The following PCDHA6 variants were observed in gnomAD, a reference collection of about 807,000 sequenced individuals.
PCDHA6 encodes protocadherin alpha 6.
In PCDHA6, 55 loss-of-function variants were observed where a neutral mutation model predicts 60.3. The ratio of observed to expected loss-of-function variants is 0.91; its 90% confidence interval spans 0.73 to 1.14. The LOEUF (loss-of-function observed/expected upper bound fraction) is 1.14. Ranked by LOEUF, PCDHA6 falls within the 50% of genes most tolerant of loss-of-function variation. The pLI is 0.00. For missense variants in PCDHA6, 1,327 were observed against 1,256.5 expected, an observed-to-expected ratio of 1.06 and a Z score of -0.85; for synonymous variants, 652 against 557.9, an observed-to-expected ratio of 1.17 and a Z score of -2.38.
intron 1 of PCDHA6, chr5:140,862,465 G>A (rs1462351326): frequency 8.1e-6 from 3 of 371,280 alleles, no homozygotes; most frequent in Non-Finnish European, 1.6e-5. Flanking sequence ...GACCAAGAGA[G>A]CAAATCTATC....
At chr5:140,928,204 G>A (rs1554205615) in intron 1 of PCDHA6, 4 of 1,614,236 alleles carry the variant, frequency 2.5e-6, no homozygotes, top group Middle Eastern at 1.6e-4. Flanking sequence ...AGTTGCTGAT[G>A]TGAATGACAA....
chr5:140,957,159 C>G (rs2095337596), intron 1 of PCDHA6, among the ~76,000 whole-genome samples: 1 of 151,974 alleles, frequency 6.6e-6, no homozygotes, highest in Non-Finnish European at 1.5e-5. Flanking sequence ...GGAGACAAAT[C>G]TAAGTATATA....
intron 1 of PCDHA6, among the ~76,000 whole-genome samples, chr5:140,907,888 C>G (rs1441879791): frequency 6.6e-6 from 1 of 152,234 alleles, no homozygotes; most frequent in Non-Finnish European, 1.5e-5. Flanking sequence ...ACATGGGATA[C>G]AAATATCTTC....
intron 3 of PCDHA6, among the ~76,000 whole-genome samples, chr5:140,988,079 G>A (rs1431334458): frequency 6.6e-6 from 1 of 152,188 alleles, no homozygotes; most frequent in Non-Finnish European, 1.5e-5. Flanking sequence ...TATTTCATGA[G>A]TGAGTGCAGC....
At position 140,928,712 on chromosome 5, in the gene PCDHA6, G is replaced by A; in HGVS notation, c.2395-50237G>A. 3.1e-6 allele frequency: 5 copies of A among 1,614,168 alleles called. No homozygotes were observed. The highest frequency in any genetic ancestry group is 4.2e-6 in the Non-Finnish European group (5 of 1,180,042). Reference sequence around the variant, plus strand: ...CACATCTCCCGGGCGTCTGACTCTAGTCTCTTTAGAATTTCAGCCAATATA... The same window carrying A: ...CACATCTCCCGGGCGTCTGACTCTAATCTCTTTAGAATTTCAGCCAATATA... On this transcript the variant is annotated intron_variant, in intron 1 of 3. Coordinates refer to ENST00000529310, the MANE Select transcript of PCDHA6 (RefSeq NM_018909.4).
chr5:140,889,928 G>A (rs554679699), intron 1 of PCDHA6, among the ~76,000 whole-genome samples: 98 of 152,304 alleles, frequency 6.4e-4, no homozygotes, highest in South Asian at 1.5e-3. Context: ...AGAAGCTCAA[G>A]CTGGACTTGT....
chr5:140,988,051 T>C (rs903060920), intron 3 of PCDHA6, among the ~76,000 whole-genome samples: 2 of 152,240 alleles, frequency 1.3e-5, no homozygotes, highest in African/African-American at 2.4e-5. Flanking sequence ...TTAGGAGCAC[T>C]GTCAACATGA....
At chr5:140,911,153 C>T (rs921838811) in intron 1 of PCDHA6, among the ~76,000 whole-genome samples, 2 of 152,048 alleles carry the variant, frequency 1.3e-5, no homozygotes, top group Non-Finnish European at 2.9e-5. Flanking sequence ...TCTCCTCAGA[C>T]AAATGTGGAA....
chr5:140,890,528 C>T (rs1329794711), intron 1 of PCDHA6, among the ~76,000 whole-genome samples: 3 of 152,060 alleles, frequency 2.0e-5, no homozygotes, highest in South Asian at 2.1e-4. Flanking sequence ...CTTTGTTGAT[C>T]TTCTTTTGAA....
chr5:140,971,123 G>A (rs1305525231), intron 1 of PCDHA6, among the ~76,000 whole-genome samples: 1 of 152,182 alleles, frequency 6.6e-6, no homozygotes, highest in Non-Finnish European at 1.5e-5. Context: ...GTGGGCTACA[G>A]GTGGTGAAGA....
chr5:141,005,417 T>G (rs1323051159), intron 3 of PCDHA6, among the ~76,000 whole-genome samples: 2 of 152,062 alleles, frequency 1.3e-5, no homozygotes, highest in African/African-American at 4.8e-5. Context: ...TGAGGAGTCA[T>G]GCTAAGAATG....
At chr5:140,920,812 C>T (rs575249440) in intron 1 of PCDHA6, among the ~76,000 whole-genome samples, 126 of 151,392 alleles carry the variant, frequency 8.3e-4, no homozygotes, top group Admixed American at 2.4e-3. Flanking sequence ...CCACTGCACT[C>T]CAGCCTGGCG....
At chr5:141,000,417 A>ATTTTT (rs1563652061) in intron 3 of PCDHA6, among the ~76,000 whole-genome samples, 3 of 77,750 alleles carry the variant, frequency 3.9e-5, no homozygotes, top group Non-Finnish European at 7.0e-5. Flanking sequence ...ATATATATAT[A>ATTTTT]TATATTTTTT....
At chr5:140,914,414 C>A (rs1554196336) in intron 1 of PCDHA6, among the ~76,000 whole-genome samples, 1 of 152,038 alleles carries the variant, frequency 6.6e-6, no homozygotes, top group African/African-American at 2.4e-5. Context: ...GTTTTGTTTC[C>A]ATTAGCAAGG....
intron 1 of PCDHA6, chr5:140,927,274 G>T: frequency 6.2e-7 from 1 of 1,614,100 alleles, no homozygotes; most frequent in Non-Finnish European, 8.5e-7. Context: ...TCCTGCCGGC[G>T]ACGTGCAGCT....
intron 1 of PCDHA6, among the ~76,000 whole-genome samples, chr5:140,887,536 C>G (rs2153420652): frequency 6.6e-6 from 1 of 152,238 alleles, no homozygotes; most frequent in African/African-American, 2.4e-5. Context: ...CTTCCTCTCC[C>G]CACCCCTCAT....
chr5:140,842,420 A>G, intron 1 of PCDHA6: 2 of 1,613,364 alleles, frequency 1.2e-6, no homozygotes, highest in Non-Finnish European at 1.7e-6. Context: ...TCAATTTGGT[A>G]CTGTCATCGC....
intron 1 of PCDHA6, chr5:140,928,768 C>G: frequency 1.2e-6 from 2 of 1,614,136 alleles, no homozygotes; most frequent in Non-Finnish European, 1.7e-6. Context: ...CTTAGTTCTT[C>G]CCACTGATGC....
intron 1 of PCDHA6, among the ~76,000 whole-genome samples, chr5:140,955,475 C>T (rs246017): frequency 0.56 from 85,566 of 151,816 alleles, 24,719 homozygotes; most frequent in African/African-American, 0.69. Context: ...TGCTTGGCAC[C>T]TCTCCTTCCT....
Sources: gnomAD v4.1 joint callset for allele counts (sites outside exome capture counted in the v4.1 genomes callset) on GRCh38, gnomAD v4.1.1 for gene constraint, MANE v1.5 for transcripts, NCBI Gene and HGNC (gene_info 2026-07-23, HGNC 2026-07-21) for gene names.